Variants in EHD4 observed in about 807,000 individuals in gnomAD.
EHD4 encodes EH domain-containing protein 4.
A neutral mutation model predicts 51.0 loss-of-function variants in EHD4; 37 were observed. That is an observed-to-expected ratio of 0.73 (90% CI 0.56 to 0.95). The LOEUF is 0.95. Ranked by LOEUF, EHD4 falls within the 40% of genes least tolerant of loss-of-function variation. The pLI is 0.00. For synonymous variants in EHD4, 297 were observed against 317.3 expected (o/e 0.94, Z 0.68); for missense variants, 632 against 733.1 (o/e 0.86, Z 1.59).
chr15:41,944,236 G>A (rs1412978448), intron 2 of EHD4, among the ~76,000 whole-genome samples: 5 of 152,176 alleles, frequency 3.3e-5, no homozygotes, highest in African/African-American at 1.2e-4. Flanking sequence ...TGTCCTTTTA[G>A]CTTTCAGACT....
At chr15:41,931,680 CTT>C (rs1175401028) in intron 3 of EHD4, among the ~76,000 whole-genome samples, 8 of 142,990 alleles carry the variant, frequency 5.6e-5, no homozygotes, top group African/African-American at 7.7e-5. Flanking sequence ...TCAGCAATTT[CTT>C]TTTTTTTTTT....
chr15:41,940,339 T>G (rs935540276), intron 3 of EHD4, among the ~76,000 whole-genome samples: 1 of 152,176 alleles, frequency 6.6e-6, no homozygotes, highest in Non-Finnish European at 1.5e-5. Context: ...TTGGCAAAGG[T>G]GGGGCTGTGG....
intron 4 of EHD4, among the ~76,000 whole-genome samples, chr15:41,913,452 C>T (rs1230795250): frequency 6.6e-6 from 1 of 152,184 alleles, no homozygotes; most frequent in African/African-American, 2.4e-5. Flanking sequence ...GAAGATGAGG[C>T]TCAGGCCCCG....
chr15:41,967,097 T>A (rs1432368492), intron 1 of EHD4, among the ~76,000 whole-genome samples: 1 of 152,178 alleles, frequency 6.6e-6, no homozygotes, highest in Non-Finnish European at 1.5e-5. Context: ...TTATGCCCCA[T>A]CCTTCCTCTT....
intron 1 of EHD4, among the ~76,000 whole-genome samples, chr15:41,961,995 C>T (rs2067927244): frequency 6.6e-6 from 1 of 152,070 alleles, no homozygotes; most frequent in South Asian, 2.1e-4. Flanking sequence ...TACATATCAG[C>T]AATACCCTGC....
intron 3 of EHD4, among the ~76,000 whole-genome samples, chr15:41,932,638 T>C (rs553404451): frequency 4.7e-4 from 72 of 152,218 alleles, no homozygotes; most frequent in Non-Finnish European, 6.5e-4. Context: ...GCAAAAAGAA[T>C]TGGAGGAGTG....
intron 5 of EHD4, among the ~76,000 whole-genome samples, chr15:41,901,794 C>T (rs568219608): frequency 3.3e-5 from 5 of 152,290 alleles, no homozygotes; most frequent in South Asian, 4.1e-4. Flanking sequence ...GAGCTGAGGG[C>T]GCTACTCAAC....
chr15:41,932,193 G>A lies in EHD4; in HGVS notation c.511+10874C>T, dbSNP rs778979864. ...CTGGTCTATCTATATGATGGACTGC[G>A]GGAGGCAGCTCCGAAGTACAGACAT... On this transcript the variant is annotated intron_variant, in intron 3 of 5. Coordinates refer to ENST00000220325, the MANE Select transcript of EHD4 (RefSeq NM_139265.4). 5.3e-5 allele frequency among the ~76,000 whole-genome samples: 8 copies of A among 152,130 alleles called. 1 individual carries two copies. Among genetic ancestry groups the A allele is most frequent in the South Asian group, 2.1e-4 (1 of 4,828 alleles).
rs776154364 is a variant in EHD4 at position 41,972,475 on chromosome 15, C to T, written c.20G>A (p.Arg7Gln). 319 of 1,539,488 alleles carry T rather than the reference C, an allele frequency of 2.1e-4. No individual in the cohort carries two copies. The highest frequency in any genetic ancestry group is 2.6e-4 in the Non-Finnish European group (300 of 1,146,088). ...AGCGCGTTCGCGCCCGCCCGCCTGC[C>T]GCCCCATCCAGCTGAACATCCTGCC... MFSWMG[R>Q]QAGGRERAGG... Residue 7 changes from arginine (R) to glutamine (Q), a missense_variant, in exon 1 of 6, where the codon CGG (arginine) becomes CAG (glutamine). Arg to Gln is a conservative substitution (Grantham distance 43, BLOSUM62 1). Transcript: ENST00000220325.
At chr15:41,942,982 A>G in intron 3 of EHD4, 85 bp downstream of exon 3, 1 of 1,305,244 alleles carries the variant, frequency 7.7e-7, no homozygotes, top group Non-Finnish European at 1.1e-6. Context: ...GACGGATAGA[A>G]TAATATAGGG....
chr15:41,972,370 G>C lies in EHD4; in HGVS notation c.125C>G (p.Ala42Gly). The C allele has an allele frequency of 6.2e-7, 1 of 1,611,114 alleles. No individual in the cohort carries two copies. The highest frequency in any genetic ancestry group is 8.5e-7 in the Non-Finnish European group (1 of 1,178,840). ...CGAGTGGAACTCGTGGAAGCGGTAC[G>C]CCTCCTCCAGCGGCAGCACCTTGCG... ...YLRKVLPLEE[A>G]YRFHEFHSPA... The change falls in exon 1 of 6, where the codon GCG becomes GGG. Residue 42 changes from alanine (A) to glycine (G), a missense_variant. Physicochemically the swap from Ala to Gly is moderately conservative, Grantham distance 60. Coordinates refer to ENST00000220325, the MANE Select transcript of EHD4 (RefSeq NM_139265.4).
chr15:41,931,488 G>T (rs1269793218), intron 3 of EHD4, among the ~76,000 whole-genome samples: 1 of 152,104 alleles, frequency 6.6e-6, no homozygotes, highest in East Asian at 1.9e-4. Flanking sequence ...ACTTCAGCCT[G>T]GGTGACGGAG....
At chr15:41,941,557 G>T (rs2067770316) in intron 3 of EHD4, 1 of 149,482 alleles carries the variant, frequency 6.7e-6, no homozygotes, top group South Asian at 2.1e-4. Context: ...AGATATTTAT[G>T]AATAGCATTA....
intron 1 of EHD4, among the ~76,000 whole-genome samples, chr15:41,958,511 C>G (rs1405420046): frequency 2.6e-5 from 4 of 151,976 alleles, no homozygotes; most frequent in Non-Finnish European, 5.9e-5. Flanking sequence ...TTCTTTTTTT[C>G]ATTGCTTAGG....
chr15:41,919,810 A>T (rs1376982734), intron 3 of EHD4, among the ~76,000 whole-genome samples, 188 bp from the exon 4 acceptor site: 3 of 151,890 alleles, frequency 2.0e-5, no homozygotes, highest in Admixed American at 2.0e-4. Flanking sequence ...GGACCTGGGG[A>T]GCCCTTCCAC....
At position 41,900,393 on chromosome 15, in the gene EHD4, A is replaced by C; in HGVS notation, c.*252T>G. ...GGCAGGTTCTGAGGACTCTTTGGACAATTTCTCTTTCTTCTCAACCCTTCA... is the reference window on the plus strand; with the variant it reads ...GGCAGGTTCTGAGGACTCTTTGGACCATTTCTCTTTCTTCTCAACCCTTCA... On this transcript the variant is annotated 3_prime_UTR_variant, in exon 6 of 6. Coordinates refer to ENST00000220325, the MANE Select transcript of EHD4 (RefSeq NM_139265.4). The surrounding 1 kb of genome is among the most constrained non-coding windows in gnomAD (Gnocchi z 4.8). 2 of 515,792 alleles carry C rather than the reference A, an allele frequency of 3.9e-6. No homozygotes were observed. Among genetic ancestry groups the C allele is most frequent in the Non-Finnish European group, 6.9e-6 (2 of 291,324 alleles). 32.0% of individuals were successfully genotyped at this position (515,792 alleles called of 1,614,324 possible). A position where few individuals can be genotyped will look rare whatever the true frequency, so the allele number is the denominator to read the frequency against.
intron 4 of EHD4, among the ~76,000 whole-genome samples, chr15:41,911,139 AC>A (rs2067546832): frequency 2.6e-5 from 4 of 152,206 alleles, no homozygotes; most frequent in Admixed American, 2.6e-4. Flanking sequence ...TTGGATGCTA[AC>A]CTAAGTACCT....
At chr15:41,932,428 A>G (rs1240561307) in intron 3 of EHD4, among the ~76,000 whole-genome samples, 1 of 152,140 alleles carries the variant, frequency 6.6e-6, no homozygotes, top group African/African-American at 2.4e-5. Flanking sequence ...AAGCACATAC[A>G]CACCTACCCA....
intron 5 of EHD4, among the ~76,000 whole-genome samples, chr15:41,905,418 T>C (rs1296913880): frequency 6.6e-6 from 1 of 152,178 alleles, no homozygotes; most frequent in Non-Finnish European, 1.5e-5. Flanking sequence ...TGCTGTGATA[T>C]GGCCTTACAC....
Sources: allele counts gnomAD v4.1 joint callset (sites outside exome capture counted in the v4.1 genomes callset), GRCh38; gene constraint gnomAD v4.1.1; non-coding constraint Gnocchi (gnomAD v3.1); transcripts MANE v1.5; gene names NCBI Gene and HGNC (gene_info 2026-07-23, HGNC 2026-07-21).